CDH18: variants seen among roughly 807,000 people sequenced by gnomAD.
CDH18 encodes cadherin 18.
In CDH18, 31 loss-of-function variants were observed where a neutral mutation model predicts 67.9. The observed-to-expected ratio is 0.46, with a 90% CI of 0.34 to 0.62. The LOEUF is 0.62. Ranked by LOEUF, CDH18 falls within the 20% of genes least tolerant of loss-of-function variation. The pLI is 0.01. For missense variants in CDH18, 890 were observed against 975.5 expected, an observed-to-expected ratio of 0.91 and a Z score of 1.17; for synonymous variants, 362 against 347.2, an observed-to-expected ratio of 1.04 and a Z score of -0.48.
At chr5:19,613,981 C>A (rs350674) in intron 5 of CDH18, among the ~76,000 whole-genome samples, 99,574 of 151,910 alleles carry the variant, frequency 0.66, 33,052 homozygotes, top group South Asian at 0.76. Context: ...AATAAATACA[C>A]CAATGACTTT....
chr5:19,738,843 T>G (rs973691017), intron 4 of CDH18, among the ~76,000 whole-genome samples: 1 of 152,116 alleles, frequency 6.6e-6, no homozygotes, highest in East Asian at 1.9e-4. Flanking sequence ...TGACACATGT[T>G]TACCTATGTG....
At chr5:19,946,268 C>A (rs189353323) in intron 2 of CDH18, among the ~76,000 whole-genome samples, 1 of 151,916 alleles carries the variant, frequency 6.6e-6, no homozygotes. Context: ...AACATCCTTC[C>A]GGAAGGAAGG....
intron 1 of CDH18, among the ~76,000 whole-genome samples, chr5:20,335,570 A>G (rs781590194): frequency 9.2e-5 from 14 of 152,144 alleles, no homozygotes; most frequent in South Asian, 2.1e-4. Context: ...CTATTACTCT[A>G]TAAGTCCCAG....
At chr5:19,621,528 T>A (rs538670054) in intron 5 of CDH18, among the ~76,000 whole-genome samples, 52 of 152,172 alleles carry the variant, frequency 3.4e-4, no homozygotes, top group Non-Finnish European at 6.2e-4. Context: ...TGTTCACTGC[T>A]GCATGAACCT....
intron 1 of CDH18, among the ~76,000 whole-genome samples, chr5:20,480,799 A>G (rs1032539678): frequency 2.6e-5 from 4 of 152,190 alleles, no homozygotes; most frequent in Admixed American, 6.5e-5. Context: ...ATGGGTTACA[A>G]TATGTTATTT....
chr5:20,304,383 C>A, intron 1 of CDH18: 2 of 1,426,898 alleles, frequency 1.4e-6, no homozygotes, highest in South Asian at 2.3e-5. Flanking sequence ...GAGTAAAAAG[C>A]ATCTTCTTCT....
intron 1 of CDH18, among the ~76,000 whole-genome samples, chr5:20,339,061 G>A (rs1325181812): frequency 1.3e-5 from 2 of 152,168 alleles, no homozygotes; most frequent in East Asian, 3.9e-4. Flanking sequence ...CTCCACCCAA[G>A]GACACTCTGA....
At chr5:19,976,964 T>C (rs1399068411) in intron 2 of CDH18, among the ~76,000 whole-genome samples, 1 of 152,152 alleles carries the variant, frequency 6.6e-6, no homozygotes, top group Admixed American at 6.6e-5. Context: ...AAAATTAATG[T>C]TTGCATGTTT....
chr5:19,986,954 G>A (rs1332874678), intron 1 of CDH18, among the ~76,000 whole-genome samples: 3 of 152,292 alleles, frequency 2.0e-5, no homozygotes, highest in East Asian at 3.9e-4. Flanking sequence ...AACACAGTCA[G>A]AGCCTGTAGT....
At chr5:20,503,286 T>C (rs1754453201) in intron 1 of CDH18, among the ~76,000 whole-genome samples, 1 of 151,850 alleles carries the variant, frequency 6.6e-6, no homozygotes, top group South Asian at 2.1e-4. Context: ...GACTTTTTTT[T>C]AATTGATATT....
At chr5:20,016,912 T>C (rs1270769876) in intron 2 of CDH18, among the ~76,000 whole-genome samples, 1 of 152,140 alleles carries the variant, frequency 6.6e-6, no homozygotes, top group Non-Finnish European at 1.5e-5. Context: ...AATTCAAAAG[T>C]ACCATGAATG....
chr5:19,982,089 T>C (rs1260519984), intron 1 of CDH18, among the ~76,000 whole-genome samples: 1 of 152,222 alleles, frequency 6.6e-6, no homozygotes, highest in Non-Finnish European at 1.5e-5. Context: ...TTATTTTTGC[T>C]TTAAAAAATT....
chr5:19,817,541 A>C (rs1779422376), intron 3 of CDH18, among the ~76,000 whole-genome samples: 1 of 152,076 alleles, frequency 6.6e-6, no homozygotes, highest in Non-Finnish European at 1.5e-5. Context: ...GACTTCCAAA[A>C]ACTCATCAAT....
intron 1 of CDH18, among the ~76,000 whole-genome samples, chr5:20,461,558 T>C (rs570409615): frequency 6.6e-6 from 1 of 152,184 alleles, no homozygotes; most frequent in Admixed American, 6.5e-5. Flanking sequence ...AGGGCTGCTT[T>C]TCAGCCCCTT....
intron 1 of CDH18, among the ~76,000 whole-genome samples, chr5:20,315,005 A>G (rs763173622): frequency 5.3e-5 from 8 of 152,140 alleles, no homozygotes; most frequent in African/African-American, 9.7e-5. Context: ...AGTGTTTACT[A>G]ATTTGACAGT....
At chr5:19,569,750 T>G (rs1561368936) in intron 8 of CDH18, among the ~76,000 whole-genome samples, 1 of 152,120 alleles carries the variant, frequency 6.6e-6, no homozygotes, top group Non-Finnish European at 1.5e-5. Context: ...ATTGTACATT[T>G]TAAAACAGCT....
intron 9 of CDH18, among the ~76,000 whole-genome samples, chr5:19,536,194 A>G (rs563312312): frequency 5.1e-4 from 77 of 151,912 alleles, no homozygotes; most frequent in Non-Finnish European, 9.6e-4. Context: ...ATAGAGGTGA[A>G]AAAATACTAC....
Position 19,485,422 on chromosome 5 carries a change from A to G in CDH18, c.1631-1870T>C, listed in dbSNP as rs187793467. On this transcript the variant is annotated intron_variant, in intron 11 of 12. Coordinates refer to ENST00000382275, the MANE Select transcript of CDH18 (RefSeq NM_004934.5). ...AGGCGCCTGCCAACATGCCTGGCTA[A>G]TTTTTTGTATTTTTAGTAGAGACGG... 8.5e-3 allele frequency among the ~76,000 whole-genome samples: 1,288 copies of G among 152,006 alleles called. 26 individuals are homozygous for G. The highest frequency in any genetic ancestry group is 0.03 in the African/African-American group (1,229 of 41,464).
intron 2 of CDH18, among the ~76,000 whole-genome samples, chr5:19,955,232 T>C (rs1003127732): frequency 1.3e-5 from 2 of 152,104 alleles, no homozygotes; most frequent in African/African-American, 4.8e-5. Context: ...ATCTCTTTCC[T>C]TCATAAATTA....
Sources: allele counts gnomAD v4.1 joint callset (sites outside exome capture counted in the v4.1 genomes callset), GRCh38; gene constraint gnomAD v4.1.1; transcripts MANE v1.5; gene names NCBI Gene and HGNC (gene_info 2026-07-23, HGNC 2026-07-21).